The following DPP6 variants were observed in gnomAD, a reference collection of about 807,000 sequenced individuals.
DPP6 encodes A-type potassium channel modulatory protein DPP6.
A neutral mutation model predicts 122.6 loss-of-function variants in DPP6; 69 were observed. The ratio of observed to expected loss-of-function variants is 0.56; its 90% CI spans 0.46 to 0.69. DPP6 has a LOEUF of 0.69. Ranked by LOEUF, DPP6 falls within the 30% of genes least tolerant of loss-of-function variation. The probability of loss-of-function intolerance (pLI) is 0.00; values close to 1 mark genes in which losing one functional copy is unlikely to be tolerated. For synonymous variants in DPP6, 418 were observed against 433.1 expected, an observed-to-expected ratio of 0.97 and a Z score of 0.43; for missense variants, 928 against 1,116.9, an observed-to-expected ratio of 0.83 and a Z score of 2.41.
intron 1 of DPP6, among the ~76,000 whole-genome samples, chr7:154,424,867 C>T (rs1176091213): frequency 6.6e-6 from 1 of 152,176 alleles, no homozygotes; most frequent in Non-Finnish European, 1.5e-5. Context: ...GTTAGGTAAC[C>T]TCTGCCATCT....
At chr7:154,541,604 A>G (rs923385960) in intron 4 of DPP6, among the ~76,000 whole-genome samples, 2 of 152,230 alleles carry the variant, frequency 1.3e-5, no homozygotes, top group Non-Finnish European at 2.9e-5. Context: ...AACTCAAAGC[A>G]GTTGATTCTT....
the DPP6 span, among the ~76,000 whole-genome samples, chr7:153,767,687 A>AC: frequency 1.3e-5 from 2 of 150,914 alleles, no homozygotes; most frequent in African/African-American, 4.9e-5. Context: ...CCTAAAAAAA[A>AC]GTGAGAAACT....
upstream of DPP6, among the ~76,000 whole-genome samples, chr7:153,883,108 A>G (rs375209412): frequency 6.6e-6 from 1 of 151,870 alleles, no homozygotes; most frequent in Non-Finnish European, 1.5e-5. Context: ...GTTTGCGAAA[A>G]TGTTGATAAA....
chr7:154,451,059 A>C (rs879575534), intron 2 of DPP6, among the ~76,000 whole-genome samples: 1 of 151,990 alleles, frequency 6.6e-6, no homozygotes, highest in Non-Finnish European at 1.5e-5. Flanking sequence ...GGCTGTCACG[A>C]GTGTCACTCA....
intron 10 of DPP6, among the ~76,000 whole-genome samples, chr7:154,789,916 G>A (rs755617654): frequency 1.3e-5 from 2 of 152,152 alleles, no homozygotes; most frequent in Non-Finnish European, 2.9e-5. Context: ...ATGTATTTGG[G>A]GCCAGGCACA....
At chr7:154,595,742 C>T (rs1833053811) in intron 5 of DPP6, among the ~76,000 whole-genome samples, 2 of 152,354 alleles carry the variant, frequency 1.3e-5, no homozygotes, top group South Asian at 2.1e-4. Context: ...CACTGTTCTT[C>T]AACAGGATGC....
chr7:154,177,680 T>C (rs560308883), intron 1 of DPP6, among the ~76,000 whole-genome samples: 3 of 152,320 alleles, frequency 2.0e-5, no homozygotes, highest in Non-Finnish European at 4.4e-5. Context: ...ATATGAAAAT[T>C]TGGACTGGTC....
At chr7:153,943,720 A>C (rs561060849) in intron 1 of DPP6, among the ~76,000 whole-genome samples, 2 of 152,188 alleles carry the variant, frequency 1.3e-5, no homozygotes, top group African/African-American at 2.4e-5. Flanking sequence ...TTCATTGCTT[A>C]TTGCCAGAAA....
rs140797270 is a variant in DPP6, at chr7:154,796,815, A to G, written c.1299+932A>G. On this transcript the variant is annotated intron_variant, in intron 12 of 25. Coordinates refer to ENST00000377770, the MANE Select transcript of DPP6 (RefSeq NM_130797.4). Reference sequence around the variant, plus strand: ...GCTGCTTCTGCCTGTGGAGTCAGGAATATAATTATCTCAGAAGTCAGAGCC... The same window carrying G: ...GCTGCTTCTGCCTGTGGAGTCAGGAGTATAATTATCTCAGAAGTCAGAGCC... Among the ~76,000 whole-genome samples the G allele has an allele frequency of 4.9e-3, 753 of 152,286 alleles. 5 individuals carry two copies. Among genetic ancestry groups the G allele is most frequent in the African/African-American group, 0.017 (717 of 41,568 alleles).
At chr7:154,139,592 G>A (rs1039505530) in intron 1 of DPP6, among the ~76,000 whole-genome samples, 4 of 151,774 alleles carry the variant, frequency 2.6e-5, no homozygotes, top group Admixed American at 6.6e-5. Context: ...ATTAGCCATC[G>A]CAGTGGGTCA....
At chr7:153,890,326 G>A (rs1218732788) in intron 1 of DPP6, among the ~76,000 whole-genome samples, 4 of 152,248 alleles carry the variant, frequency 2.6e-5, no homozygotes, top group South Asian at 2.1e-4. Context: ...AAATGGTCAC[G>A]GAAATGTCAA....
rs188872912 is a variant in DPP6 at position 154,428,645 on chromosome 7, G to A, written c.244-17569G>A. Reference sequence around the variant, plus strand: ...TGGATAAGGAAGATGTGGTATATATGCACCATGGAATACTACTCAGCCATA... The same window carrying A: ...TGGATAAGGAAGATGTGGTATATATACACCATGGAATACTACTCAGCCATA... On this transcript the variant is annotated intron_variant, in intron 1 of 25. Transcript: ENST00000377770. Among the ~76,000 whole-genome samples, 16 of 152,278 alleles carry A rather than the reference G, an allele frequency of 1.1e-4. No homozygotes were observed. In the East Asian group the frequency reaches 2.5e-3, roughly 24 times the overall value.
At chr7:154,743,104 T>G (rs10268004) in intron 8 of DPP6, among the ~76,000 whole-genome samples, 9,290 of 152,296 alleles carry the variant, frequency 0.061, 676 homozygotes, top group African/African-American at 0.17. Flanking sequence ...AGGCTGAAGC[T>G]GAAGTCTTCC....
At chr7:154,547,550 G>A (rs1829296127) in intron 4 of DPP6, among the ~76,000 whole-genome samples, 1 of 152,166 alleles carries the variant, frequency 6.6e-6, no homozygotes, top group Non-Finnish European at 1.5e-5. Flanking sequence ...AACCAGACTG[G>A]TCTCTGAGTT....
intron 10 of DPP6, among the ~76,000 whole-genome samples, chr7:154,778,530 A>G (rs963332413): frequency 6.6e-6 from 1 of 151,792 alleles, no homozygotes; most frequent in African/African-American, 2.4e-5. Flanking sequence ...AGAACAATAG[A>G]GTTCTCATAC....
At chr7:153,796,585 C>G in the DPP6 span, among the ~76,000 whole-genome samples, 171 of 152,212 alleles carry the variant, frequency 1.1e-3, 1 homozygote, top group African/African-American at 3.9e-3. Context: ...GTCCCTGGGA[C>G]TATGCCTAGT....
intron 5 of DPP6, among the ~76,000 whole-genome samples, chr7:154,578,817 C>T (rs1831855659): frequency 6.6e-6 from 1 of 152,084 alleles, no homozygotes; most frequent in Admixed American, 6.6e-5. Flanking sequence ...AGTACTTTCT[C>T]ACTAAAAGTG....
intron 1 of DPP6, among the ~76,000 whole-genome samples, chr7:154,426,774 A>G (rs1468685450): frequency 6.6e-6 from 1 of 151,326 alleles, no homozygotes; most frequent in Non-Finnish European, 1.5e-5. Context: ...TTTTGGAAAA[A>G]CATCAGCCGA....
intron 1 of DPP6, among the ~76,000 whole-genome samples, chr7:154,427,115 T>A (rs73726871): frequency 0.033 from 5,023 of 152,310 alleles, 217 homozygotes; most frequent in African/African-American, 0.097. Context: ...AGTTTTATCT[T>A]ATAATCACAT....
Sources: allele counts gnomAD v4.1 joint callset (sites outside exome capture counted in the v4.1 genomes callset), GRCh38; gene constraint gnomAD v4.1.1; transcripts MANE v1.5; gene names NCBI Gene and HGNC (gene_info 2026-07-23, HGNC 2026-07-21).